The following SPTB variants were observed in gnomAD, a reference collection of about 807,000 sequenced individuals.
The protein encoded by SPTB is spectrin beta chain, erythrocytic.
Under a neutral mutation model 256.2 loss-of-function variants are expected in SPTB, and 45 were observed. The ratio of observed to expected loss-of-function variants is 0.18; its 90% confidence interval spans 0.14 to 0.23. The LOEUF is 0.23. Among genes scored for constraint, SPTB ranks in the 10% least tolerant of loss-of-function variants. The probability of loss-of-function intolerance (pLI) is 1.00; values close to 1 mark genes in which losing one functional copy is unlikely to be tolerated. For missense variants in SPTB, 2,715 were observed against 3,040.4 expected (o/e 0.89, Z 2.52); for synonymous variants, 1,231 against 1,243.1 (o/e 0.99, Z 0.21).
At position 64,827,318 on chromosome 14, in the gene SPTB, G is replaced by A. The variant is rs934058512; in HGVS notation, c.-51-4173C>T. ...ATCTACTTCCGAAGTGGGAAACCGG[G>A]GGAATACAGGGCAACGCAGGGCTGA... On this transcript the variant is annotated intron_variant, in intron 1 of 35. Transcript: ENST00000644917. The surrounding 1 kb of genome is among the most constrained non-coding windows in gnomAD (Gnocchi z 4.6). Among the ~76,000 whole-genome samples the A allele has an allele frequency of 3.3e-5, 5 of 152,206 alleles. No homozygotes were observed. The highest frequency in any genetic ancestry group is 1.2e-4 in the African/African-American group (5 of 41,440).
chr14:64,817,865 CA>C (rs1363740888), intron 2 of SPTB, among the ~76,000 whole-genome samples: 1 of 152,224 alleles, frequency 6.6e-6, no homozygotes, highest in Non-Finnish European at 1.5e-5. Flanking sequence ...GAATGTCTGC[CA>C]GCCACAGAAC....
rs1026599289 is a variant in SPTB, at chr14:64,847,150, G to A, written c.-51-24005C>T. 3.3e-5 allele frequency among the ~76,000 whole-genome samples: 5 copies of A among 152,162 alleles called. No homozygotes were observed. Among genetic ancestry groups the A allele is most frequent in the African/African-American group, 4.8e-5 (2 of 41,432 alleles). ...GAAGCCTCAAGCCCAGTCGGCTCTT[G>A]GTCCAGGACCTAATCTTCAAAGCTC... is the stretch of plus-strand genomic sequence containing the variant. On this transcript the variant is annotated intron_variant, in intron 1 of 35. Coordinates refer to ENST00000644917, the MANE Select transcript of SPTB (RefSeq NM_001355436.2). The surrounding 1 kb of genome is among the most constrained non-coding windows in gnomAD (Gnocchi z 5.9).
At position 64,853,307 on chromosome 14, in the gene SPTB, G is replaced by C. The variant is rs1425594842; in HGVS notation, c.-52+26485C>G. Among the ~76,000 whole-genome samples, 1 of 152,238 alleles carries C rather than the reference G, an allele frequency of 6.6e-6. No homozygotes were observed. The highest frequency in any genetic ancestry group is 1.5e-5 in the Non-Finnish European group (1 of 68,044). On this transcript the variant is annotated intron_variant, in intron 1 of 35. Coordinates refer to ENST00000644917, the MANE Select transcript of SPTB (RefSeq NM_001355436.2). The surrounding 1 kb of genome is among the most constrained non-coding windows in gnomAD (Gnocchi z 4.3). ...AAAAGGGGCCAAGATTGTCCCCAAA[G>C]AGGGTTTAGGCTGCCCAGAATAGGA...
At chr14:64,877,413 C>G (rs1370334066) in intron 1 of SPTB, among the ~76,000 whole-genome samples, 1 of 152,116 alleles carries the variant, frequency 6.6e-6, no homozygotes, top group Non-Finnish European at 1.5e-5. Context: ...AGTGTCTAAC[C>G]TTAAAAAGAA....
chr14:64,774,708 C>T (rs2082331354), intron 23 of SPTB, among the ~76,000 whole-genome samples, 181 bp from the exon 24 acceptor site: 1 of 152,148 alleles, frequency 6.6e-6, no homozygotes, highest in Non-Finnish European at 1.5e-5. Flanking sequence ...TGCCCGTGCC[C>T]TACCTTCCTC....
At chr14:64,804,775 G>C (rs1263928589) in intron 3 of SPTB, among the ~76,000 whole-genome samples, 164 bp downstream of exon 3, 2 of 152,190 alleles carry the variant, frequency 1.3e-5, no homozygotes, top group African/African-American at 2.4e-5. Context: ...AATTCAGAGA[G>C]ACCAGTCAGC....
In SPTB at chr14:64,793,132, A is replaced by G. The variant is rs770752260; in HGVS notation, c.2531T>C (p.Leu844Pro). Reference protein sequence around the residue: ...VAQADLRQQRLQEALDLYTVF... With the variant: ...VAQADLRQQRPQEALDLYTVF... Reference sequence around the variant, plus strand: ...CGTGTACAGGTCCAGGGCTTCCTGCAGCCTCTGCTGACGCAGGTCCGCCTG... The same window carrying G: ...CGTGTACAGGTCCAGGGCTTCCTGCGGCCTCTGCTGACGCAGGTCCGCCTG... Residue 844 changes from leucine (L) to proline (P), a missense_variant, in exon 14 of 36, where the codon CTG (leucine) becomes CCG (proline). Around this residue, in one of 4 missense-constraint regions of SPTB, gnomAD observed 2,239 missense variants for 2,384.4 expected, o/e 0.94. Coordinates refer to ENST00000644917, the MANE Select transcript of SPTB (RefSeq NM_001355436.2). The surrounding 1 kb of genome is among the most constrained non-coding windows in gnomAD (Gnocchi z 7.0). 1.9e-6 allele frequency: 3 copies of G among 1,614,114 alleles called. No homozygotes were observed. The highest frequency in any genetic ancestry group is 2.5e-6 in the Non-Finnish European group (3 of 1,180,040).
chr14:64,804,813 T>TA, intron 3 of SPTB, 126 bp downstream of exon 3: 1 of 1,255,758 alleles, frequency 8.0e-7, no homozygotes. Flanking sequence ...TTCTAAGTAT[T>TA]AGAGCCTCCC....
chr14:64,749,571 G>A lies in SPTB; in HGVS notation c.6819+83C>T. The A allele has an allele frequency of 6.2e-7, 1 of 1,606,606 alleles. No homozygotes were observed. The highest frequency in any genetic ancestry group is 8.5e-7 in the Non-Finnish European group (1 of 1,179,058). On this transcript the variant is annotated intron_variant, in intron 35 of 35. Coordinates refer to ENST00000644917, the MANE Select transcript of SPTB (RefSeq NM_001355436.2). The surrounding 1 kb of genome is among the most constrained non-coding windows in gnomAD (Gnocchi z 4.7). ...GGGGGCTCTTGGGACTGCCCCTTCTGAGGGGGCCTCCAGGGCAAGCGGCCT... is the reference window on the plus strand; with the variant it reads ...GGGGGCTCTTGGGACTGCCCCTTCTAAGGGGGCCTCCAGGGCAAGCGGCCT...
At position 64,795,731 on chromosome 14, in the gene SPTB, T is replaced by C. The variant is rs1354418003; in HGVS notation, c.1342-92A>G. 2 of 1,320,010 alleles carry C rather than the reference T, an allele frequency of 1.5e-6. No homozygotes were observed. The highest frequency in any genetic ancestry group is 2.2e-6 in the Non-Finnish European group (2 of 926,672). The allele number at this position is 1,320,010 out of a possible 1,614,324, so 81.8% of individuals were successfully genotyped here. ...ACAGGGCAGCTCCCTTCAGAACCAGTGCTAGATGGGAAAGCACATTCCCAA... is the reference window on the plus strand; with the variant it reads ...ACAGGGCAGCTCCCTTCAGAACCAGCGCTAGATGGGAAAGCACATTCCCAA... On this transcript the variant is annotated intron_variant, in intron 11 of 35. Transcript: ENST00000644917. The surrounding 1 kb of genome is among the most constrained non-coding windows in gnomAD (Gnocchi z 6.5).
At chr14:64,771,419 C>G (rs1021456796) in intron 26 of SPTB, among the ~76,000 whole-genome samples, 31 of 152,220 alleles carry the variant, frequency 2.0e-4, no homozygotes, top group Admixed American at 1.8e-3. Context: ...ATATCAGGCA[C>G]TGTTCTAAAC....
chr14:64,754,770 T>C (rs1410465618), intron 32 of SPTB: 1 of 152,224 alleles, frequency 6.6e-6, no homozygotes, highest in East Asian at 1.9e-4. Context: ...GACCTGCCAT[T>C]CCCTGGCTGG....
chr14:64,797,213 G>A (rs932806544), intron 10 of SPTB, among the ~76,000 whole-genome samples: 3 of 152,030 alleles, frequency 2.0e-5, no homozygotes, highest in Non-Finnish European at 2.9e-5. Context: ...TGGCTCACAC[G>A]TGTAATCTCA....
At position 64,866,118 on chromosome 14, in the gene SPTB, G is replaced by C. The variant is rs1283351150; in HGVS notation, c.-52+13674C>G. Among the ~76,000 whole-genome samples the C allele has an allele frequency of 6.6e-6, 1 of 152,198 alleles. No homozygotes were observed. The highest frequency in any genetic ancestry group is 1.5e-5 in the Non-Finnish European group (1 of 68,032). Reference sequence around the variant, plus strand: ...ATGAATAAGACTGTTCACTCAAAGAGCATGCAGTGAGGCCACTAACTAGTA... The same window carrying C: ...ATGAATAAGACTGTTCACTCAAAGACCATGCAGTGAGGCCACTAACTAGTA... On this transcript the variant is annotated intron_variant, in intron 1 of 35. Coordinates refer to ENST00000644917, the MANE Select transcript of SPTB (RefSeq NM_001355436.2). This position sits in a 1 kb window ranked among gnomAD's most constrained non-coding sequence, Gnocchi z 4.6.
chr14:64,746,294 T>C lies in SPTB; in HGVS notation c.*3012A>G, dbSNP rs1203770584. 1 of 152,398 alleles carries C rather than the reference T, an allele frequency of 6.6e-6. No homozygotes were observed. The highest frequency in any genetic ancestry group is 1.9e-4 in the East Asian group (1 of 5,196). 9.4% of individuals were successfully genotyped at this position (152,398 alleles called of 1,614,324 possible). On this transcript the variant is annotated 3_prime_UTR_variant, in exon 36 of 36. Transcript: ENST00000644917. The surrounding 1 kb of genome is among the most constrained non-coding windows in gnomAD (Gnocchi z 4.9). ...AACTGAGAGAAACATGGAGCATTAT[T>C]GATTTATTAGAAAAACTAGTAAATG...
intron 26 of SPTB, among the ~76,000 whole-genome samples, chr14:64,771,589 C>T (rs554768839): frequency 3.3e-4 from 51 of 152,266 alleles, no homozygotes; most frequent in African/African-American, 9.9e-4. Flanking sequence ...GGATTTGCAC[C>T]GTGCTCCTGA....
chr14:64,879,443 G>A (rs1230802786), intron 1 of SPTB, among the ~76,000 whole-genome samples: 1 of 152,214 alleles, frequency 6.6e-6, no homozygotes, highest in Non-Finnish European at 1.5e-5. Context: ...TCCCAGGCCG[G>A]GGTCCTGGAG....
intron 1 of SPTB, 143 bp downstream of exon 1, chr14:64,879,649 G>C (rs1883015024): frequency 6.9e-6 from 1 of 145,604 alleles, no homozygotes; most frequent in Non-Finnish European, 1.5e-5. Context: ...CCCGACAACC[G>C]GGGCTGGACT....
At position 64,801,328 on chromosome 14, in the gene SPTB, C is replaced by T. The variant is rs1330404742; in HGVS notation, c.720G>A (p.Val240=). Residue 240 remains valine, a synonymous_variant, in exon 7 of 36, where the codon GTG becomes GTA. Coordinates refer to ENST00000644917, the MANE Select transcript of SPTB (RefSeq NM_001355436.2). ...GGATGATGCCCAGCTGGCGCTCAGC[C>T]ACATTGAATGCGTGCTCCAGGTTGT... ...ARHNLEHAFN[V]AERQLGIIPL... is the part of the protein sequence containing the mutation. 1 of 1,614,178 alleles carries T rather than the reference C, an allele frequency of 6.2e-7. No individual in the cohort carries two copies. The highest frequency in any genetic ancestry group is 2.2e-5 in the East Asian group (1 of 44,890).
Sources: gnomAD v4.1 joint callset for allele counts (sites outside exome capture counted in the v4.1 genomes callset) on GRCh38, gnomAD v4.1.1 for gene constraint, gnomAD v4.1.1 regional missense constraint, Gnocchi (gnomAD v3.1) non-coding constraint, MANE v1.5 for transcripts, NCBI Gene and HGNC (gene_info 2026-07-23, HGNC 2026-07-21) for gene names.